Variants in AK7 observed in about 807,000 individuals in gnomAD.
AK7 encodes the protein ATP-AMP transphosphorylase 7.
In AK7, 78 loss-of-function variants were observed where a neutral mutation model predicts 96.6. The ratio of observed to expected loss-of-function variants is 0.81; its 90% CI spans 0.67 to 0.97. The LOEUF (loss-of-function observed/expected upper bound fraction) is 0.97, where lower values mean the gene tolerates loss of function less well. Ranked by LOEUF, AK7 falls within the 50% of genes least tolerant of loss-of-function variation. The pLI is 0.00. For synonymous variants in AK7, 302 were observed against 317.2 expected, an observed-to-expected ratio of 0.95 and a Z score of 0.51; for missense variants, 855 against 887.9, an observed-to-expected ratio of 0.96 and a Z score of 0.47.
chr14:96,402,467 A>ATAGATGCTGT (rs1412709268), intron 2 of AK7, among the ~76,000 whole-genome samples: 1 of 152,196 alleles, frequency 6.6e-6, no homozygotes, highest in African/African-American at 2.4e-5. Context: ...AGCTGGAAAC[A>ATAGATGCTGT]TAGATGCTGT....
chr14:96,470,966 C>G (rs1894851158), intron 12 of AK7, among the ~76,000 whole-genome samples: 1 of 152,200 alleles, frequency 6.6e-6, no homozygotes, highest in Admixed American at 6.5e-5. Context: ...CTCGCCCATG[C>G]TCTTTCTTGC....
chr14:96,428,270 A>G (rs1308027017), intron 5 of AK7, among the ~76,000 whole-genome samples: 1 of 151,472 alleles, frequency 6.6e-6, no homozygotes, highest in Non-Finnish European at 1.5e-5. Flanking sequence ...AGCTTCATCC[A>G]TGTCCCTACA....
At chr14:96,396,447 A>C (rs183409893) in intron 1 of AK7, among the ~76,000 whole-genome samples, 144 of 152,362 alleles carry the variant, frequency 9.5e-4, no homozygotes, top group African/African-American at 3.2e-3. Context: ...CAACTGTGAA[A>C]GAGGATAATA....
At chr14:96,411,514 A>C (rs1178808516) in intron 4 of AK7, among the ~76,000 whole-genome samples, 1 of 152,182 alleles carries the variant, frequency 6.6e-6, no homozygotes, top group East Asian at 1.9e-4. Context: ...CTGTCTCAAA[A>C]AAAAAAATAA....
intron 4 of AK7, among the ~76,000 whole-genome samples, chr14:96,417,488 C>T (rs1891410904): frequency 6.6e-6 from 1 of 152,172 alleles, no homozygotes; most frequent in Non-Finnish European, 1.5e-5. Context: ...GGATCTTCCC[C>T]TCAACAACTC....
At chr14:96,472,286 C>A (rs1421332120) in intron 13 of AK7, among the ~76,000 whole-genome samples, 1 of 152,156 alleles carries the variant, frequency 6.6e-6, no homozygotes, top group Admixed American at 6.5e-5. Context: ...CTCAGTCTCC[C>A]GAGTAGCTGG....
rs1891644740 is a variant in AK7, at chr14:96,420,869, G to A, written c.546G>A (p.Lys182=). 1 of 1,613,880 alleles carries A rather than the reference G, an allele frequency of 6.2e-7. No individual in the cohort carries two copies. ...PFTEEDYRRR[K]SHPNFLDHIN... Reference sequence around the variant, plus strand: ...CTGAAGAAGATTATCGAAGAAGAAAGTCTCATCCTAATTTTCTGGACCACA... The same window carrying A: ...CTGAAGAAGATTATCGAAGAAGAAAATCTCATCCTAATTTTCTGGACCACA... The change falls in exon 5 of 18, where the codon AAG becomes AAA. Residue 182 remains lysine (K), a synonymous_variant. Coordinates refer to ENST00000267584, the MANE Select transcript of AK7 (RefSeq NM_152327.5).
At chr14:96,471,384 G>C (rs1163421942) in intron 12 of AK7, 94 bp from the exon 13 acceptor site, 29 of 424,918 alleles carry the variant, frequency 6.8e-5, no homozygotes, top group Non-Finnish European at 9.8e-5. Flanking sequence ...TAGTACCTTT[G>C]ACTACACAAC....
chr14:96,467,578 A>T (rs182068742), intron 12 of AK7, among the ~76,000 whole-genome samples: 84 of 152,128 alleles, frequency 5.5e-4, no homozygotes, highest in Non-Finnish European at 9.6e-4. Flanking sequence ...GAGCTCAGGC[A>T]ATCCACCCGC....
intron 5 of AK7, among the ~76,000 whole-genome samples, 165 bp from the exon 6 acceptor site, chr14:96,437,670 C>T (rs1214076016): frequency 2.0e-5 from 3 of 152,150 alleles, no homozygotes; most frequent in Non-Finnish European, 2.9e-5. Flanking sequence ...GCGGGGGTGT[C>T]GTTTCTCTCT....
chr14:96,460,728 C>T (rs1333358426), intron 12 of AK7, among the ~76,000 whole-genome samples: 1 of 152,200 alleles, frequency 6.6e-6, no homozygotes, highest in Admixed American at 6.5e-5. Flanking sequence ...TCCATGTCAC[C>T]CATGTTCCAC....
At chr14:96,428,007 A>C (rs752412685) in intron 5 of AK7, among the ~76,000 whole-genome samples, 1 of 152,174 alleles carries the variant, frequency 6.6e-6, no homozygotes, top group Non-Finnish European at 1.5e-5. Context: ...GTACATGTGC[A>C]CAATGGGCAG....
intron 12 of AK7, among the ~76,000 whole-genome samples, chr14:96,466,257 A>T (rs1270487867): frequency 6.7e-6 from 1 of 149,694 alleles, no homozygotes; most frequent in Admixed American, 6.7e-5. Context: ...TTTTTTTGAG[A>T]CAGAGTCCTC....
intron 5 of AK7, among the ~76,000 whole-genome samples, chr14:96,428,205 C>A (rs988750158): frequency 1.3e-5 from 2 of 151,430 alleles, no homozygotes; most frequent in African/African-American, 4.9e-5. Context: ...TGAGTGAGAA[C>A]ATGTGGTGTT....
Position 96,449,825 on chromosome 14 carries a change from T to G in AK7, c.894T>G (p.Pro298=). ...IVKCISKNTG[P]GKIQKIPREN... Reference sequence around the variant, plus strand: ...AGTGTATCAGTAAAAATACTGGCCCTGGGAAAATCCAGAAAATACCCAGAG... The same window carrying G: ...AGTGTATCAGTAAAAATACTGGCCCGGGGAAAATCCAGAAAATACCCAGAG... The change falls in exon 9 of 18, where the codon CCT becomes CCG. Residue 298 remains proline (P), a synonymous_variant. Coordinates refer to ENST00000267584, the MANE Select transcript of AK7 (RefSeq NM_152327.5). 1 of 1,610,702 alleles carries G rather than the reference T, an allele frequency of 6.2e-7. No individual in the cohort carries two copies. The highest frequency in any genetic ancestry group is 1.1e-5 in the South Asian group (1 of 90,814).
chr14:96,451,742 A>G (rs1027621049), intron 10 of AK7, among the ~76,000 whole-genome samples, 172 bp downstream of exon 10: 14 of 152,232 alleles, frequency 9.2e-5, no homozygotes, highest in Admixed American at 9.2e-4. Context: ...TGTATATCAA[A>G]TTAATACCTG....
chr14:96,440,373 G>A (rs775456296), intron 6 of AK7, among the ~76,000 whole-genome samples: 4 of 152,118 alleles, frequency 2.6e-5, no homozygotes, highest in Non-Finnish European at 4.4e-5. Context: ...TCACCTACCT[G>A]CTCACTGAAT....
At chr14:96,459,252 C>T (rs1186531894) in intron 12 of AK7, among the ~76,000 whole-genome samples, 7 of 151,920 alleles carry the variant, frequency 4.6e-5, no homozygotes, top group Non-Finnish European at 1.0e-4. Flanking sequence ...GCAGGAGAAT[C>T]GCTTGAACCC....
chr14:96,444,315 A>C (rs1032229348), intron 7 of AK7, among the ~76,000 whole-genome samples: 6 of 152,192 alleles, frequency 3.9e-5, no homozygotes, highest in African/African-American at 1.4e-4. Context: ...GATACAGAAG[A>C]GTCTTTTACA....
Sources: allele counts gnomAD v4.1 joint callset (sites outside exome capture counted in the v4.1 genomes callset), GRCh38; gene constraint gnomAD v4.1.1; transcripts MANE v1.5; gene names NCBI Gene and HGNC (gene_info 2026-07-23, HGNC 2026-07-21).